EHHADH: variants seen among roughly 807,000 people sequenced by gnomAD.
The protein encoded by EHHADH is peroxisomal bifunctional enzyme.
EHHADH carries 48 observed loss-of-function variants against 64.4 expected under a neutral mutation model. The observed-to-expected ratio is 0.75, with a 90% CI of 0.59 to 0.95. EHHADH has a LOEUF of 0.95. Among genes scored for constraint, EHHADH ranks in the 40% least tolerant of loss-of-function variants. The pLI is 0.00. For synonymous variants in EHHADH, 308 were observed against 326.7 expected, an observed-to-expected ratio of 0.94 and a Z score of 0.62; for missense variants, 854 against 876.6, an observed-to-expected ratio of 0.97 and a Z score of 0.33.
chr3:185,221,833 G>A (rs1047930462), intron 4 of EHHADH, among the ~76,000 whole-genome samples: 4 of 151,764 alleles, frequency 2.6e-5, no homozygotes, highest in Admixed American at 6.6e-5. Flanking sequence ...CTTGGACTCT[G>A]AAAGTGCTGG....
rs1270695481 is a variant in EHHADH, at chr3:185,248,134, T to C, written c.178+280A>G. On this transcript the variant is annotated intron_variant, in intron 2 of 6. Transcript: ENST00000231887. ...TGCCCAAGCCCACATATGGTGGAGATACATGCAATGCAGGTATATATCAGC... is the reference window on the plus strand; with the variant it reads ...TGCCCAAGCCCACATATGGTGGAGACACATGCAATGCAGGTATATATCAGC... 1.7e-5 allele frequency: 5 copies of C among 300,614 alleles called. No homozygotes were observed. The Admixed American group carries it at 2.0e-4, about 12-fold the overall frequency. The allele number at this position is 300,614 out of a possible 1,614,324, so 18.6% of individuals were successfully genotyped here.
rs538516223 is a variant in EHHADH, at chr3:185,206,035, C to T, written c.569-1278G>A. 2.6e-5 allele frequency among the ~76,000 whole-genome samples: 4 copies of T among 152,058 alleles called. No homozygotes were observed. The South Asian group carries it at 8.3e-4, about 32-fold the overall frequency. On this transcript the variant is annotated intron_variant, in intron 5 of 6. Coordinates refer to ENST00000231887, the MANE Select transcript of EHHADH (RefSeq NM_001966.4). ...AAGTGACTGTGCACATAAATCCACA[C>T]TCTCAAGTGTGGGCTACACTGCACG... is the stretch of plus-strand genomic sequence containing the variant.
At chr3:185,210,284 A>G (rs1274381169) in intron 5 of EHHADH, among the ~76,000 whole-genome samples, 1 of 152,184 alleles carries the variant, frequency 6.6e-6, no homozygotes, top group African/African-American at 2.4e-5. Context: ...TCAGATGCCC[A>G]CATCATACCT....
At chr3:185,242,478 C>G (rs951364014) in intron 2 of EHHADH, among the ~76,000 whole-genome samples, 40 of 152,116 alleles carry the variant, frequency 2.6e-4, no homozygotes, top group African/African-American at 8.9e-4. Flanking sequence ...GCACATAGAC[C>G]AATGGAACAG....
rs773942079 is a variant in EHHADH, at chr3:185,193,018, C to A, written c.1380G>T (p.Met460Ile). ...TCTTTTTAATCTTTTTTGATAAGTT[C>A]ATAACAGTGGCAATGGTAGTGGGGG... ...YSSPTTIATV[M>I]NLSKKIKKIG... The change falls in exon 7 of 7, where the codon ATG becomes ATT. Residue 460 changes from methionine to isoleucine, a missense_variant. Physicochemically the swap from Met to Ile is conservative, Grantham distance 10. Transcript: ENST00000231887. 9.9e-6 allele frequency: 16 copies of A among 1,614,146 alleles called. No individual in the cohort carries two copies. Among genetic ancestry groups the A allele is most frequent in the African/African-American group, 1.3e-5 (1 of 75,030 alleles).
At chr3:185,207,702 C>T (rs985639718) in intron 5 of EHHADH, among the ~76,000 whole-genome samples, 15 of 152,080 alleles carry the variant, frequency 9.9e-5, no homozygotes, top group Non-Finnish European at 1.5e-5. Flanking sequence ...GGATTTTAGC[C>T]CAGGGAGACC....
chr3:185,217,547 G>GGAA (rs1553777834), intron 5 of EHHADH, among the ~76,000 whole-genome samples: 1 of 88,106 alleles, frequency 1.1e-5, no homozygotes, highest in Non-Finnish European at 2.1e-5. Flanking sequence ...CTCTGTCTCA[G>GGAA]AAAAAAAAAA....
intron 1 of EHHADH, among the ~76,000 whole-genome samples, chr3:185,252,738 A>G (rs900221007): frequency 1.2e-4 from 19 of 152,210 alleles, no homozygotes; most frequent in African/African-American, 4.6e-4. Flanking sequence ...ATCAAATCCA[A>G]TGACAGTAGG....
At chr3:185,225,231 T>C (rs1718942596) in intron 4 of EHHADH, among the ~76,000 whole-genome samples, 1 of 152,124 alleles carries the variant, frequency 6.6e-6, no homozygotes, top group African/African-American at 2.4e-5. Context: ...AAACTTAACA[T>C]GTCCCAAATG....
chr3:185,217,922 G>A (rs1205883379), intron 5 of EHHADH, among the ~76,000 whole-genome samples: 1 of 151,518 alleles, frequency 6.6e-6, no homozygotes, highest in African/African-American at 2.4e-5. Context: ...CCGCCACCAC[G>A]CCCGGCTAAT....
In EHHADH at chr3:185,194,800, CAAAAAAAAAA is replaced by C. The variant is rs34093153; in HGVS notation, c.911-1323_911-1314del. Reference sequence around the variant, plus strand: ...TATGTGACAGAGTGAGACCCTGTCTCAAAAAAAAAAAAAAAAAAAAAAAAAAAAGAAGCCT... The same window carrying C: ...TATGTGACAGAGTGAGACCCTGTCTCAAAAAAAAAAAAAAAAAAGAAGCCT... On this transcript the variant is annotated intron_variant, in intron 6 of 6. Coordinates refer to ENST00000231887, the MANE Select transcript of EHHADH (RefSeq NM_001966.4). Among the ~76,000 whole-genome samples the C allele has an allele frequency of 4.8e-3, 141 of 29,306 alleles. 5 individuals carry two copies. Among genetic ancestry groups the C allele is most frequent in the Middle Eastern group, 0.033 (1 of 30 alleles). 19.2% of individuals were successfully genotyped at this position (29,306 alleles called of 152,430 possible). A position where few individuals can be genotyped will look rare whatever the true frequency, so the allele number is the denominator to read the frequency against.
At chr3:185,244,296 G>C (rs75430935) in intron 2 of EHHADH, among the ~76,000 whole-genome samples, 1 of 152,196 alleles carries the variant, frequency 6.6e-6, no homozygotes, top group South Asian at 2.1e-4. Context: ...AATCCAATTT[G>C]CCTGTCTATA....
At chr3:185,219,318 T>C (rs917655572) in intron 4 of EHHADH, among the ~76,000 whole-genome samples, 2 of 152,184 alleles carry the variant, frequency 1.3e-5, no homozygotes, top group Non-Finnish European at 2.9e-5. Context: ...AGCTGGAGTG[T>C]GGCCCATGAC....
chr3:185,220,736 A>G (rs1298590605), intron 4 of EHHADH, among the ~76,000 whole-genome samples: 1 of 152,238 alleles, frequency 6.6e-6, no homozygotes, highest in Non-Finnish European at 1.5e-5. Flanking sequence ...CCACTGTCCA[A>G]TGGGCTCTAA....
intron 6 of EHHADH, among the ~76,000 whole-genome samples, chr3:185,201,122 G>A (rs1718209732): frequency 6.6e-6 from 1 of 152,124 alleles, no homozygotes; most frequent in African/African-American, 2.4e-5. Flanking sequence ...TTCAGATTTT[G>A]GAAGTGGAGA....
At chr3:185,198,953 G>A (rs1374592223) in intron 6 of EHHADH, among the ~76,000 whole-genome samples, 3 of 152,040 alleles carry the variant, frequency 2.0e-5, no homozygotes, top group Admixed American at 1.3e-4. Flanking sequence ...AACATGAAGA[G>A]CATCAACCTT....
At chr3:185,228,043 G>A (rs1400196318) in intron 4 of EHHADH, among the ~76,000 whole-genome samples, 3 of 150,130 alleles carry the variant, frequency 2.0e-5, no homozygotes, top group African/African-American at 4.9e-5. Context: ...AGTTATATCT[G>A]TTTGAAGTGT....
chr3:185,226,947 A>C (rs985779100), intron 4 of EHHADH: 1 of 152,364 alleles, frequency 6.6e-6, no homozygotes, highest in African/African-American at 2.4e-5. Context: ...TACAATCTCC[A>C]TGAAGGCAGA....
At chr3:185,250,612 A>AAAC (rs1201296375) in intron 1 of EHHADH, among the ~76,000 whole-genome samples, 1 of 152,220 alleles carries the variant, frequency 6.6e-6, no homozygotes, top group African/African-American at 2.4e-5. Flanking sequence ...AAAACAAAAC[A>AAAC]AACAACAACA....
Sources: gnomAD v4.1 joint callset for allele counts (sites outside exome capture counted in the v4.1 genomes callset) on GRCh38, gnomAD v4.1.1 for gene constraint, MANE v1.5 for transcripts, NCBI Gene and HGNC (gene_info 2026-07-23, HGNC 2026-07-21) for gene names.